The following UGT1A3 variants were observed in gnomAD, a reference collection of about 807,000 sequenced individuals.
UGT1A3 encodes the protein UDP glucuronosyltransferase family 1 member A3.
Under a neutral mutation model 41.0 loss-of-function variants are expected in UGT1A3, and 31 were observed. That is an observed-to-expected ratio of 0.76 (90% confidence interval 0.57 to 1.02). UGT1A3 has a LOEUF of 1.02. Ranked by LOEUF, UGT1A3 falls within the 50% of genes least tolerant of loss-of-function variation. The pLI, the probability that UGT1A3 is intolerant of heterozygous loss-of-function variation, is 0.00. For synonymous variants in UGT1A3, 262 were observed against 257.6 expected (o/e 1.02, Z -0.17); for missense variants, 737 against 671.0 (o/e 1.10, Z -1.09).
Position 233,747,232 on chromosome 2 carries a change from G to T in UGT1A3, c.867+17239G>T. 2.5e-6 allele frequency: 4 copies of T among 1,605,196 alleles called. 1 individual carries two copies. The highest frequency in any genetic ancestry group is 2.2e-5 in the South Asian group (2 of 90,296). On this transcript the variant is annotated intron_variant, in intron 1 of 4. Coordinates refer to ENST00000482026, the MANE Select transcript of UGT1A3 (RefSeq NM_019093.4). ...TGCTGAGATGGCCACAGGACCCCAGGTTCCCCTGCTGTGGCTGGCCACAGG... is the reference window on the plus strand; with the variant it reads ...TGCTGAGATGGCCACAGGACCCCAGTTTCCCCTGCTGTGGCTGGCCACAGG...
chr2:233,760,574 G>A lies in UGT1A3; in HGVS notation c.868-6460G>A, dbSNP rs1287104845. On this transcript the variant is annotated intron_variant, in intron 1 of 4. Coordinates refer to ENST00000482026, the MANE Select transcript of UGT1A3 (RefSeq NM_019093.4). ...GTGAAAGAGTCTTTTGTTAGTCTCG[G>A]GCATAATGTTTTTGAGAATGATTCT... The A allele has an allele frequency of 6.2e-7, 1 of 1,614,190 alleles. No individual in the cohort carries two copies. The highest frequency in any genetic ancestry group is 1.3e-5 in the African/African-American group (1 of 75,038).
Position 233,729,807 on chromosome 2 carries a change from T to C in UGT1A3, c.681T>C (p.Phe227=). 6.2e-7 allele frequency: 1 copy of C among 1,613,974 alleles called. No homozygotes were observed. Among genetic ancestry groups the C allele is most frequent in the Non-Finnish European group, 8.5e-7 (1 of 1,179,866 alleles). The change falls in exon 1 of 5, where the codon TTT becomes TTC. Residue 227 remains phenylalanine (F), a synonymous_variant. Coordinates refer to ENST00000482026, the MANE Select transcript of UGT1A3 (RefSeq NM_019093.4). The part of the protein sequence containing the change: ...PLALSYICHA[F]SAPYASLASE... ...CCCTGTCCTACATTTGCCATGCTTT[T>C]TCTGCTCCTTATGCAAGCCTTGCCT...
chr2:233,762,209 C>T (rs914722298), intron 1 of UGT1A3, among the ~76,000 whole-genome samples: 1 of 152,104 alleles, frequency 6.6e-6, no homozygotes, highest in Non-Finnish European at 1.5e-5. Flanking sequence ...ATGTATTTGG[C>T]GCCCCATAAA....
chr2:233,767,903 C>T lies in UGT1A3; in HGVS notation c.1054C>T (p.Leu352Phe), dbSNP rs549391527. 1 of 1,614,178 alleles carries T rather than the reference C, an allele frequency of 6.2e-7. No homozygotes were observed. Among genetic ancestry groups the T allele is most frequent in the Admixed American group, 1.7e-5 (1 of 60,018 alleles). Residue 352 changes from leucine to phenylalanine, a missense_variant, in exon 3 of 5, where the codon CTT becomes TTT. Coordinates refer to ENST00000482026, the MANE Select transcript of UGT1A3 (RefSeq NM_019093.4). ...ATCGAATCTTGCGAACAACACGATA[C>T]TTGTTAAGTGGCTACCCCAAAACGA... Reference protein sequence around the residue: ...RPSNLANNTILVKWLPQNDLL... With the variant: ...RPSNLANNTIFVKWLPQNDLL...
rs537662273 is a variant in UGT1A3 at position 233,729,564 on chromosome 2, T to C, written c.438T>C (p.Phe146=). ...ALIRHLNATS[F]DVVLTDPVNL... is the part of the protein sequence containing the mutation. ...TCAGGCACCTGAATGCTACTTCCTT[T>C]GATGTGGTTTTAACAGACCCCGTTA... The change falls in exon 1 of 5, where the codon TTT becomes TTC. Residue 146 remains phenylalanine (F), a synonymous_variant. Coordinates refer to ENST00000482026, the MANE Select transcript of UGT1A3 (RefSeq NM_019093.4). The C allele has an allele frequency of 7.8e-5, 126 of 1,614,046 alleles. No homozygotes were observed. Among genetic ancestry groups the C allele is most frequent in the Non-Finnish European group, 1.0e-4 (121 of 1,180,024 alleles).
At chr2:233,748,787 G>A (rs988744506) in intron 1 of UGT1A3, among the ~76,000 whole-genome samples, 5 of 151,380 alleles carry the variant, frequency 3.3e-5, no homozygotes, top group Admixed American at 2.6e-4. Flanking sequence ...CTTCTACTTG[G>A]AATGCTGAAA....
At chr2:233,768,544 T>C in intron 4 of UGT1A3, 105 bp downstream of exon 4, 1 of 1,425,890 alleles carries the variant, frequency 7.0e-7, no homozygotes, top group South Asian at 1.4e-5. Context: ...GTTTCAAATA[T>C]AAAAACAAAT....
chr2:233,731,569 A>G (rs1225013175), intron 1 of UGT1A3, among the ~76,000 whole-genome samples: 1 of 152,190 alleles, frequency 6.6e-6, no homozygotes, highest in African/African-American at 2.4e-5. Context: ...TTTGCTGAGA[A>G]TGATGGTTTA....
chr2:233,748,077 C>T, intron 1 of UGT1A3: 1 of 1,613,256 alleles, frequency 6.2e-7, no homozygotes, highest in Non-Finnish European at 8.5e-7. Flanking sequence ...GCCACTATCT[C>T]AGGTCGGTGT....
chr2:233,738,490 C>T (rs927376982), intron 1 of UGT1A3, among the ~76,000 whole-genome samples: 34 of 152,308 alleles, frequency 2.2e-4, no homozygotes, highest in Middle Eastern at 6.8e-3. Flanking sequence ...ACTTGTTGAA[C>T]GGTTTTGACC....
At position 233,772,524 on chromosome 2, in the gene UGT1A3, CG is replaced by C. The variant is rs1700532996; in HGVS notation, c.1571del (p.Arg524GlnfsTer22). On this transcript the variant is annotated frameshift_variant, in exon 5 of 5. Transcript: ENST00000482026. LOFTEE classifies it high-confidence loss of function. The part of the protein sequence containing the change: ...GYRKCLGKKG[R>X]VKKAHKSKTH Reference sequence around the variant, plus strand: ...CCGGAAATGCTTGGGGAAAAAAGGGCGAGTTAAGAAAGCCCACAAATCCAAG... The same window carrying C: ...CCGGAAATGCTTGGGGAAAAAAGGGCAGTTAAGAAAGCCCACAAATCCAAG... 6.2e-7 allele frequency: 1 copy of C among 1,613,838 alleles called. No homozygotes were observed. The highest frequency in any genetic ancestry group is 1.3e-5 in the African/African-American group (1 of 74,832).
chr2:233,754,382 CAG>C (rs1431576597), intron 1 of UGT1A3: 1 of 288,696 alleles, frequency 3.5e-6, no homozygotes, highest in African/African-American at 2.2e-5. Flanking sequence ...GAAAGACAAA[CAG>C]AGGTCCTATC....
chr2:233,767,266 T>A (rs1028095369), intron 2 of UGT1A3, 101 bp downstream of exon 2: 5 of 1,587,970 alleles, frequency 3.1e-6, no homozygotes, highest in Non-Finnish European at 4.3e-6. Flanking sequence ...AACCTTAGAT[T>A]TGGCTTTTCC....
intron 1 of UGT1A3, chr2:233,747,530 T>C (rs530513131): frequency 6.2e-7 from 1 of 1,605,552 alleles, no homozygotes; most frequent in East Asian, 2.2e-5. Flanking sequence ...CAGAACATTT[T>C]CTGAAGACAT....
At chr2:233,767,733 C>A in intron 2 of UGT1A3, 116 bp from the exon 3 acceptor site, 1 of 1,566,288 alleles carries the variant, frequency 6.4e-7, no homozygotes, top group Non-Finnish European at 8.7e-7. Flanking sequence ...CTGATCCTCC[C>A]ACTCTGTTAA....
At chr2:233,735,575 C>T (rs1354708625) in intron 1 of UGT1A3, among the ~76,000 whole-genome samples, 1 of 152,032 alleles carries the variant, frequency 6.6e-6, no homozygotes, top group Non-Finnish European at 1.5e-5. Flanking sequence ...GGTTATTTTG[C>T]CCGTTAATTG....
rs1315279815 is a variant in UGT1A3 at position 233,769,066 on chromosome 2, A to T, written c.1307+627A>T. Reference sequence around the variant, plus strand: ...ATCCATAAGTTTCCTGCACAGAAAGAAATACTCCATTATAAGAAGCATAGT... The same window carrying T: ...ATCCATAAGTTTCCTGCACAGAAAGTAATACTCCATTATAAGAAGCATAGT... On this transcript the variant is annotated intron_variant, in intron 4 of 4. Transcript: ENST00000482026. The surrounding 1 kb of genome is among the most constrained non-coding windows in gnomAD (Gnocchi z 4.4). 6.6e-6 allele frequency among the ~76,000 whole-genome samples: 1 copy of T among 152,220 alleles called. No homozygotes were observed. Among genetic ancestry groups the T allele is most frequent in the African/African-American group, 2.4e-5 (1 of 41,470 alleles).
chr2:233,772,792 A>G lies in UGT1A3; in HGVS notation c.*233A>G. On this transcript the variant is annotated 3_prime_UTR_variant, in exon 5 of 5. Coordinates refer to ENST00000482026, the MANE Select transcript of UGT1A3 (RefSeq NM_019093.4). ...CTCTGGTGTCTTTGATCAGGATGAC[A>G]TGTGCCATTTTTCAGAGGACGTGCA... 8.2e-7 allele frequency: 1 copy of G among 1,219,898 alleles called. No homozygotes were observed. The highest frequency in any genetic ancestry group is 3.0e-4 in the Middle Eastern group (1 of 3,362). 75.6% of individuals were successfully genotyped at this position (1,219,898 alleles called of 1,614,324 possible).
At chr2:233,740,911 C>A (rs1291553695) in intron 1 of UGT1A3, 2 of 130,742 alleles carry the variant, frequency 1.5e-5, no homozygotes, top group Non-Finnish European at 1.6e-5. Context: ...CAACATTGTT[C>A]CCATCTCCAC....
Sources: gnomAD v4.1 joint callset for allele counts (sites outside exome capture counted in the v4.1 genomes callset) on GRCh38, gnomAD v4.1.1 for gene constraint, Gnocchi (gnomAD v3.1) non-coding constraint, MANE v1.5 for transcripts, NCBI Gene and HGNC (gene_info 2026-07-23, HGNC 2026-07-21) for gene names.